KIF5C: variants seen among roughly 807,000 people sequenced by gnomAD.
The protein encoded by KIF5C is kinesin heavy chain isoform 5C.
Under a neutral mutation model 125.2 loss-of-function variants are expected in KIF5C, and 18 were observed. The ratio of observed to expected loss-of-function variants is 0.14; its 90% CI spans 0.10 to 0.21. The LOEUF (loss-of-function observed/expected upper bound fraction) is 0.21, where lower values mean the gene tolerates loss of function less well. Ranked by LOEUF, KIF5C falls within the 10% of genes least tolerant of loss-of-function variation. The pLI is 1.00. For synonymous variants in KIF5C, 405 were observed against 434.0 expected (o/e 0.93, Z 0.83); for missense variants, 780 against 1,183.8 (o/e 0.66, Z 5.01).
chr2:148,986,367 T>C (rs1296611388), intron 15 of KIF5C, among the ~76,000 whole-genome samples: 3 of 152,240 alleles, frequency 2.0e-5, no homozygotes, highest in Non-Finnish European at 2.9e-5. Context: ...TCTGGTTTTT[T>C]TCATATAATT....
intron 1 of KIF5C, among the ~76,000 whole-genome samples, chr2:148,901,998 C>A (rs1208258167): frequency 2.6e-5 from 4 of 152,208 alleles, no homozygotes. Context: ...GGATTGGTTA[C>A]TTCTTGCCCC....
At chr2:148,967,281 T>C (rs141653750) in intron 11 of KIF5C, among the ~76,000 whole-genome samples, 32 of 152,250 alleles carry the variant, frequency 2.1e-4, no homozygotes, top group Non-Finnish European at 1.5e-4. Flanking sequence ...AAAAAGAGAA[T>C]GTGTTAGAAG....
chr2:148,990,386 C>G (rs981196589), intron 15 of KIF5C, among the ~76,000 whole-genome samples: 1 of 152,180 alleles, frequency 6.6e-6, no homozygotes, highest in Non-Finnish European at 1.5e-5. Context: ...GGAAAATAGA[C>G]TGGTAGTAGT....
rs118156241 is a variant in KIF5C, at chr2:148,947,173, C to T, written c.714+150C>T. 7,994 of 1,243,582 alleles carry T rather than the reference C, an allele frequency of 6.4e-3. 80 individuals are homozygous for T. The highest frequency in any genetic ancestry group is 0.061 in the Middle Eastern group (214 of 3,522). The allele number at this position is 1,243,582 out of a possible 1,614,324, so 77.0% of individuals were successfully genotyped here. ...TGCCAAGGTGTTATTACATTTAACC[C>T]TTTGTCCCTGCTTTCTTTTCTGGTC... On this transcript the variant is annotated intron_variant, in intron 8 of 25. Transcript: ENST00000435030.
intron 4 of KIF5C, among the ~76,000 whole-genome samples, chr2:148,937,696 G>A (rs1682321623): frequency 6.6e-6 from 1 of 152,226 alleles, no homozygotes; most frequent in Admixed American, 6.5e-5. Context: ...GGTTAGGGCA[G>A]CATTTTCCAA....
chr2:148,950,806 CAA>C (rs562335483), intron 10 of KIF5C, among the ~76,000 whole-genome samples: 57 of 110,484 alleles, frequency 5.2e-4, no homozygotes, highest in African/African-American at 8.7e-4. Flanking sequence ...GAGACTGTCT[CAA>C]AAAAAAAAAA....
At chr2:148,981,292 C>A in intron 13 of KIF5C, 63 bp from the exon 14 acceptor site, 1 of 1,484,156 alleles carries the variant, frequency 6.7e-7, no homozygotes, top group Non-Finnish European at 8.9e-7. Context: ...CTTTTGGATA[C>A]AGCATAGAAC....
intron 16 of KIF5C, among the ~76,000 whole-genome samples, chr2:148,993,050 G>A (rs996615195): frequency 2.0e-5 from 3 of 152,192 alleles, no homozygotes; most frequent in Admixed American, 1.3e-4. Flanking sequence ...GTTAGATGCC[G>A]GCTGCCATTT....
chr2:148,922,435 A>T (rs530985591), intron 2 of KIF5C, among the ~76,000 whole-genome samples: 2 of 152,312 alleles, frequency 1.3e-5, no homozygotes, highest in South Asian at 4.1e-4. Flanking sequence ...TTTCAAGGAC[A>T]TGTCTTTATT....
At chr2:148,957,060 C>T (rs1280470226) in intron 10 of KIF5C, among the ~76,000 whole-genome samples, 3 of 152,202 alleles carry the variant, frequency 2.0e-5, no homozygotes, top group Non-Finnish European at 4.4e-5. Context: ...CTGTATATAG[C>T]TTCTGCTAGA....
chr2:148,950,328 A>G lies in KIF5C; in HGVS notation c.834A>G (p.Pro278=). ...ALAEGTKTHV[P]YRDSKMTRIL... ...TTCCTAAATAGAAAACACATGTGCC[A>G]TACCGGGACAGCAAGATGACTCGGA... Residue 278 remains proline (P), a synonymous_variant, in exon 10 of 26, where the codon CCA becomes CCG. Transcript: ENST00000435030. 2 of 1,613,970 alleles carry G rather than the reference A, an allele frequency of 1.2e-6. No individual in the cohort carries two copies. The highest frequency in any genetic ancestry group is 2.7e-5 in the African/African-American group (2 of 75,060).
At chr2:148,913,742 A>G (rs184308433) in intron 1 of KIF5C, among the ~76,000 whole-genome samples, 2 of 152,316 alleles carry the variant, frequency 1.3e-5, no homozygotes, top group African/African-American at 4.8e-5. Flanking sequence ...AGGAAGCCCC[A>G]CCAGGGCGGT....
chr2:148,939,031 G>T (rs540565632), intron 4 of KIF5C, among the ~76,000 whole-genome samples: 2 of 151,386 alleles, frequency 1.3e-5, no homozygotes, highest in African/African-American at 4.9e-5. Flanking sequence ...GGAGGCAGAG[G>T]TTGCAGTGAG....
intron 19 of KIF5C, 194 bp from the exon 20 acceptor site, chr2:149,000,229 A>T: frequency 1.8e-6 from 1 of 553,206 alleles, no homozygotes; most frequent in Non-Finnish European, 3.0e-6. Flanking sequence ...TGACTCTTAG[A>T]TGCACCCCAG....
intron 25 of KIF5C, among the ~76,000 whole-genome samples, chr2:149,019,979 A>G (rs1221102737): frequency 6.6e-6 from 1 of 152,154 alleles, no homozygotes; most frequent in Non-Finnish European, 1.5e-5. Context: ...GAAGTCCTAG[A>G]GCAGGTCAGT....
chr2:148,966,101 T>G (rs944870823), intron 11 of KIF5C, among the ~76,000 whole-genome samples: 1 of 152,154 alleles, frequency 6.6e-6, no homozygotes, highest in Non-Finnish European at 1.5e-5. Context: ...CAACTTTCCT[T>G]TGAAACTTGA....
chr2:148,997,053 C>T (rs777626225), intron 17 of KIF5C, among the ~76,000 whole-genome samples: 3 of 152,204 alleles, frequency 2.0e-5, no homozygotes, highest in Non-Finnish European at 4.4e-5. Context: ...GCAGTTGTCG[C>T]GCTCCCCCGT....
intron 11 of KIF5C, among the ~76,000 whole-genome samples, chr2:148,969,850 G>A (rs1207166721): frequency 6.6e-6 from 1 of 152,176 alleles, no homozygotes; most frequent in African/African-American, 2.4e-5. Context: ...CCCCAGACGT[G>A]TTTGTGAGCT....
intron 10 of KIF5C, among the ~76,000 whole-genome samples, chr2:148,961,072 CA>C (rs1246533618): frequency 6.6e-6 from 1 of 152,200 alleles, no homozygotes; most frequent in Non-Finnish European, 1.5e-5. Context: ...TGTGGCATCT[CA>C]ACCCCCCAGG....
Sources: allele counts gnomAD v4.1 joint callset (sites outside exome capture counted in the v4.1 genomes callset), GRCh38; gene constraint gnomAD v4.1.1; transcripts MANE v1.5; gene names NCBI Gene and HGNC (gene_info 2026-07-23, HGNC 2026-07-21).